Variants in PLXNB3 observed in about 807,000 individuals in gnomAD.
PLXNB3 encodes the protein plexin-B3.
In PLXNB3, 80 loss-of-function variants were observed where a neutral mutation model predicts 125.7. That is an observed-to-expected ratio of 0.64 (90% CI 0.53 to 0.77). The LOEUF is 0.77. Ranked by LOEUF, PLXNB3 falls within the 30% of genes least tolerant of loss-of-function variation. The pLI, the probability that PLXNB3 is intolerant of heterozygous loss-of-function variation, is 0.00. For synonymous variants in PLXNB3, 954 were observed against 783.3 expected (o/e 1.22, Z -3.64); for missense variants, 1,836 against 1,729.3 (o/e 1.06, Z -1.09).
chrX:153,778,357 A>G (rs2092019146), intron 33 of PLXNB3, 32 bp downstream of exon 33: 1 of 1,206,754 alleles, frequency 8.3e-7, no homozygotes, highest in South Asian at 1.8e-5. Context: ...GCTGCGGGGA[A>G]GGGGGCTGCC....
At chrX:153,768,073 C>T (rs782327623) in intron 3 of PLXNB3, among the ~76,000 whole-genome samples, 160 bp downstream of exon 3, 1 of 113,498 alleles carries the variant, frequency 8.8e-6, no homozygotes, top group African/African-American at 3.2e-5. Context: ...TTCTTTCCAC[C>T]TTTCTCCCTC....
rs782114861 is a variant in PLXNB3 at position 153,775,922 on chromosome X, G to A, written c.4437G>A (p.Arg1479=). The A allele has an allele frequency of 1.9e-5, 23 of 1,209,823 alleles. No individual in the cohort carries two copies. Among genetic ancestry groups the A allele is most frequent in the Non-Finnish European group, 2.5e-5 (22 of 895,143 alleles). Residue 1479 remains arginine (R), a synonymous_variant, in exon 27 of 36, where the codon CGG becomes CGA. Coordinates refer to ENST00000361971, the MANE Select transcript of PLXNB3 (RefSeq NM_005393.3). ...GTGAACCACTGTACATGCTCTTCCG[G>A]GCCATCCAGTACCAGGTGGACAAAG... is the stretch of plus-strand genomic sequence containing the variant. ...VAGEPLYMLF[R]AIQYQVDKGP... is the part of the protein sequence containing the mutation.
At chrX:153,770,034 G>A (rs2091909200) in intron 7 of PLXNB3, 58 bp from the exon 8 acceptor site, 3 of 1,192,370 alleles carry the variant, frequency 2.5e-6, no homozygotes, top group African/African-American at 3.5e-5. Flanking sequence ...CTCTCCCATG[G>A]CCTCTGCTGC....
In PLXNB3 at chrX:153,777,754, A is replaced by G. The variant is rs1013579618; in HGVS notation, c.5261+66A>G. The G allele has an allele frequency of 9.0e-5, 103 of 1,144,838 alleles. No homozygotes were observed. In the South Asian group the frequency reaches 9.8e-4, roughly 11 times the overall value. 94.3% of individuals were successfully genotyped at this position (1,144,838 alleles called of 1,213,427 possible). On this transcript the variant is annotated intron_variant, in intron 31 of 35. Coordinates refer to ENST00000361971, the MANE Select transcript of PLXNB3 (RefSeq NM_005393.3). The stretch of plus-strand genomic sequence containing the variant: ...CACTGAGTCCCAGAGAGACCAGGAC[A>G]TTCCCAGGGTGGATGCGCCCACCTG...
Position 153,775,006 on chromosome X carries a change from A to G in PLXNB3, c.4058A>G (p.Lys1353Arg). The change falls in exon 24 of 36, where the codon AAG becomes AGG. Residue 1353 changes from lysine (K) to arginine (R), a missense_variant. Coordinates refer to ENST00000361971, the MANE Select transcript of PLXNB3 (RefSeq NM_005393.3). Reference protein sequence around the residue: ...PGHGGCPLQPKPEGPGEDGHC... With the variant: ...PGHGGCPLQPRPEGPGEDGHC... ...CATGGCGGTTGCCCGCTGCAGCCCA[A>G]GCCTGAGGGGCCAGGGGAGGACGGC... is the stretch of plus-strand genomic sequence containing the variant. The G allele has an allele frequency of 8.3e-7, 1 of 1,207,217 alleles. No individual in the cohort carries two copies. The highest frequency in any genetic ancestry group is 1.1e-6 in the Non-Finnish European group (1 of 893,109).
intron 18 of PLXNB3, 55 bp from the exon 19 acceptor site, chrX:153,773,463 G>A (rs1323435687): frequency 6.8e-6 from 8 of 1,182,292 alleles, no homozygotes; most frequent in African/African-American, 1.8e-5. Flanking sequence ...GGTGGGATGC[G>A]GGCTGGGCTA....
Position 153,771,044 on chromosome X carries a change from C to T in PLXNB3, c.2216C>T (p.Ala739Val), listed in dbSNP as rs2091922969. The change falls in exon 12 of 36, where the codon GCA becomes GTA. Residue 739 changes from alanine (A) to valine (V), a missense_variant. Ala to Val is a moderately conservative substitution (Grantham distance 64, BLOSUM62 0). Coordinates refer to ENST00000361971, the MANE Select transcript of PLXNB3 (RefSeq NM_005393.3). ...CTGCCGGCCACCCTGGAGGAGACAG[C>T]AGGGGATTCAGGCCTCATCCACTGC... ...RGLPATLEET[A>V]GDSGLIHCQA... 1 of 1,208,195 alleles carries T rather than the reference C, an allele frequency of 8.3e-7. No homozygotes were observed. The highest frequency in any genetic ancestry group is 1.1e-6 in the Non-Finnish European group (1 of 894,577).
intron 12 of PLXNB3, 71 bp from the exon 13 acceptor site, chrX:153,771,237 GGT>G: frequency 3.1e-6 from 3 of 956,926 alleles, no homozygotes; most frequent in South Asian, 3.9e-5. Flanking sequence ...CATTCTGGGG[GGT>G]GGCCCAGAGG....
At chrX:153,775,559 C>T (rs781799992) in intron 25 of PLXNB3, 35 bp from the exon 26 acceptor site, 15 of 1,188,622 alleles carry the variant, frequency 1.3e-5, no homozygotes, top group Non-Finnish European at 9.1e-6. Flanking sequence ...GGGACACAGG[C>T]ACAAAGGCCT....
At position 153,770,952 on chromosome X, in the gene PLXNB3, C is replaced by T. The variant is rs782192616; in HGVS notation, c.2137-13C>T. On this transcript the variant is annotated splice_polypyrimidine_tract_variant and intron_variant, in intron 11 of 35. Transcript: ENST00000361971. ...AACAGCGTGTCCACACTCCTGACAG[C>T]GTCCTTCCCCAGGGCCTGCCTGCCT... 64 of 1,207,607 alleles carry T rather than the reference C, an allele frequency of 5.3e-5. No individual in the cohort carries two copies. Among genetic ancestry groups the T allele is most frequent in the Admixed American group, 1.7e-4 (8 of 45,929 alleles).
intron 25 of PLXNB3, 52 bp downstream of exon 25, chrX:153,775,455 G>GC (rs1557063746): frequency 2.6e-6 from 3 of 1,169,249 alleles, no homozygotes; most frequent in Non-Finnish European, 3.5e-6. Flanking sequence ...CCACAGACCT[G>GC]CCCCCATCGC....
Position 153,765,473 on chromosome X carries a change from C to G in PLXNB3, c.-63C>G. 3 of 1,147,049 alleles carry G rather than the reference C, an allele frequency of 2.6e-6. No homozygotes were observed. The South Asian group carries it at 5.8e-5, about 22-fold the overall frequency. The allele number at this position is 1,147,049 out of a possible 1,213,427, so 94.5% of individuals were successfully genotyped here. A position where few individuals can be genotyped will look rare whatever the true frequency, so the allele number is the denominator to read the frequency against. ...TCGACTGTCTCCCTCCCACTCAGGA[C>G]AATGCCCCCCCGCAGCCATCTCATG... On this transcript the variant is annotated splice_region_variant and 5_prime_UTR_variant, in exon 2 of 36. Transcript: ENST00000361971.
rs377734673 is a variant in PLXNB3 at position 153,771,354 on chromosome X, C to T, written c.2298C>T (p.Tyr766=). The change falls in exon 13 of 36, where the codon TAC becomes TAT. Residue 766 remains tyrosine (Y), a synonymous_variant. Transcript: ENST00000361971. ...MSQRELPVPI[Y]VTQGEAQRLD... ...AGCGGGAGCTCCCAGTGCCCATCTA[C>T]GTCACCCAGGGTGAAGCCCAGAGGC... is the stretch of plus-strand genomic sequence containing the variant. 4.1e-5 allele frequency: 49 copies of T among 1,209,406 alleles called. No homozygotes were observed. Among genetic ancestry groups the T allele is most frequent in the South Asian group, 5.3e-5 (3 of 56,902 alleles).
chrX:153,775,752 G>A lies in PLXNB3; in HGVS notation c.4401+92G>A, dbSNP rs187927063. ...GGCTACTGCCTGCGCCCTACGTGAC[G>A]AAGGCCCGGCAAGGGGGGCTTTGGA... On this transcript the variant is annotated intron_variant, in intron 26 of 35. Coordinates refer to ENST00000361971, the MANE Select transcript of PLXNB3 (RefSeq NM_005393.3). 5,572 of 1,092,145 alleles carry A rather than the reference G, an allele frequency of 5.1e-3. 183 individuals carry two copies. The African/African-American group carries it at 0.091, about 18-fold the overall frequency. 90.0% of individuals were successfully genotyped at this position (1,092,145 alleles called of 1,213,427 possible).
rs782520517 is a variant in PLXNB3, at chrX:153,776,336, G to A, written c.4730-20G>A. On this transcript the variant is annotated intron_variant, in intron 27 of 35. Coordinates refer to ENST00000361971, the MANE Select transcript of PLXNB3 (RefSeq NM_005393.3). ...GTGGAGAGCAGGCTGTAGACTATCTGCTTCCCTGACTCCCTCCAGAGTGGC... is the reference window on the plus strand; with the variant it reads ...GTGGAGAGCAGGCTGTAGACTATCTACTTCCCTGACTCCCTCCAGAGTGGC... The A allele has an allele frequency of 5.7e-5, 65 of 1,137,866 alleles. No homozygotes were observed. The East Asian group carries it at 6.0e-4, about 11-fold the overall frequency. The allele number at this position is 1,137,866 out of a possible 1,213,427, so 93.8% of individuals were successfully genotyped here.
At chrX:153,775,204 G>A (rs782796784) in intron 24 of PLXNB3, 21 bp from the exon 25 acceptor site, 3 of 1,157,911 alleles carry the variant, frequency 2.6e-6, no homozygotes, top group Non-Finnish European at 3.5e-6. Context: ...TTCCCAGGAT[G>A]AGCCTCCGAC....
intron 2 of PLXNB3, chrX:153,765,921 C>T (rs782756084): frequency 1.7e-5 from 13 of 752,986 alleles, no homozygotes; most frequent in Admixed American, 8.6e-5. Context: ...GGGCTCACCC[C>T]GGGGTCCCAC....
Position 153,766,953 on chromosome X carries a change from A to G in PLXNB3, c.126A>G (p.Thr42=). Residue 42 remains threonine (T), a synonymous_variant, in exon 3 of 36, where the codon ACA becomes ACG. Transcript: ENST00000361971. ...TGTCCCCACCGCCACTGCCCTTGAC[A>G]GGGGCCCATCGCTTCTCCGCACCTA... ...LLLSPPPLPL[T]GAHRFSAPNT... 8.3e-7 allele frequency: 1 copy of G among 1,210,072 alleles called. No homozygotes were observed. Among genetic ancestry groups the G allele is most frequent in the Non-Finnish European group, 1.1e-6 (1 of 895,263 alleles).
chrX:153,765,699 C>G, intron 2 of PLXNB3, 119 bp downstream of exon 2: 4 of 1,147,276 alleles, frequency 3.5e-6, no homozygotes, highest in Non-Finnish European at 4.6e-6. Context: ...AGACACTGCC[C>G]CAGATAGCCC....
Sources: gnomAD v4.1 joint callset for allele counts (sites outside exome capture counted in the v4.1 genomes callset) on GRCh38, gnomAD v4.1.1 for gene constraint, MANE v1.5 for transcripts, NCBI Gene and HGNC (gene_info 2026-07-23, HGNC 2026-07-21) for gene names.